CDR2: variants seen among roughly 807,000 people sequenced by gnomAD.
CDR2 encodes cerebellar degeneration-related protein 2.
A neutral mutation model predicts 48.4 loss-of-function variants in CDR2; 34 were observed. That is an observed-to-expected ratio of 0.70 (90% CI 0.53 to 0.94). The LOEUF (loss-of-function observed/expected upper bound fraction) is 0.94. Among genes scored for constraint, CDR2 ranks in the 40% least tolerant of loss-of-function variants. CDR2 has a pLI of 0.00. For synonymous variants in CDR2, 240 were observed against 219.7 expected (o/e 1.09, Z -0.82); for missense variants, 498 against 549.5 (o/e 0.91, Z 0.94).
At chr16:22,369,994 G>A (rs2049065684) in intron 1 of CDR2, among the ~76,000 whole-genome samples, 1 of 152,132 alleles carries the variant, frequency 6.6e-6, no homozygotes. Flanking sequence ...TAGATTTATT[G>A]CAGGCTTGAG....
intron 2 of CDR2, among the ~76,000 whole-genome samples, chr16:22,352,157 C>T (rs772353538): frequency 2.8e-4 from 42 of 152,184 alleles, no homozygotes; most frequent in Non-Finnish European, 6.0e-4. Context: ...GAGGCTGAGG[C>T]ATGAGAATCT....
At chr16:22,355,350 CG>C (rs879489464) in intron 2 of CDR2, among the ~76,000 whole-genome samples, 2 of 152,146 alleles carry the variant, frequency 1.3e-5, no homozygotes, top group Non-Finnish European at 2.9e-5. Context: ...ATCCCCTATC[CG>C]GGGGGATGCA....
At chr16:22,370,986 G>A (rs2049071838) in intron 1 of CDR2, among the ~76,000 whole-genome samples, 1 of 152,192 alleles carries the variant, frequency 6.6e-6, no homozygotes, top group Non-Finnish European at 1.5e-5. Flanking sequence ...GCCGAGGCGG[G>A]TAAATCACGA....
rs757369343 is a variant in CDR2 at position 22,349,244 on chromosome 16, C to T, written c.506+35G>A. 13 of 1,610,508 alleles carry T rather than the reference C, an allele frequency of 8.1e-6. No individual in the cohort carries two copies. In the Admixed American group the frequency reaches 1.3e-4, roughly 17 times the overall value. ...GAATGTGCCAATGACATGAGACAGT[C>T]CCTGCTGTAACTCCACAGAAAGGCA... On this transcript the variant is annotated intron_variant, in intron 4 of 4. Transcript: ENST00000268383.
rs1288073216 is a variant in CDR2 at position 22,347,531 on chromosome 16, A to G, written c.799T>C (p.Phe267Leu). Residue 267 changes from phenylalanine to leucine, a missense_variant, in exon 5 of 5, where the codon TTT (phenylalanine) becomes CTT (leucine). Transcript: ENST00000268383. ...ACCAGCTTCTCAACTCCATTCACAA[A>G]TGGATGCTCTGACTGCAACATCTGT... Reference protein sequence around the residue: ...MRQMLQSEHPFVNGVEKLVPD... With the variant: ...MRQMLQSEHPLVNGVEKLVPD... 6.2e-7 allele frequency: 1 copy of G among 1,613,986 alleles called. No homozygotes were observed. The highest frequency in any genetic ancestry group is 1.3e-5 in the African/African-American group (1 of 74,944).
chr16:22,374,079 C>G, intron 1 of CDR2, 152 bp downstream of exon 1: 1 of 537,080 alleles, frequency 1.9e-6, no homozygotes, highest in East Asian at 3.5e-5. Flanking sequence ...GGGCGGGATC[C>G]GCGGGCACGG....
At chr16:22,347,940 T>A in intron 4 of CDR2, 117 bp from the exon 5 acceptor site, 1 of 977,876 alleles carries the variant, frequency 1.0e-6, no homozygotes. Flanking sequence ...GTGACTAATT[T>A]TTTTTTCTTT....
At chr16:22,364,333 T>C (rs1048923630) in intron 2 of CDR2, among the ~76,000 whole-genome samples, 2 of 152,180 alleles carry the variant, frequency 1.3e-5, no homozygotes, top group African/African-American at 2.4e-5. Flanking sequence ...TTATGATTAT[T>C]TGAATGGAGC....
chr16:22,346,110 C>T lies in CDR2; in HGVS notation c.*855G>A, dbSNP rs2048902253. 6.6e-6 allele frequency: 1 copy of T among 152,458 alleles called. No homozygotes were observed. The highest frequency in any genetic ancestry group is 1.5e-5 in the Non-Finnish European group (1 of 68,038). 9.4% of individuals were successfully genotyped at this position (152,458 alleles called of 1,614,324 possible). ...TTTCTGCAACAAGTCAAAACATTTA[C>T]AGGAATGGTAAGAACTCTGCAAGAG... On this transcript the variant is annotated 3_prime_UTR_variant, in exon 5 of 5. Coordinates refer to ENST00000268383, the MANE Select transcript of CDR2 (RefSeq NM_001802.2).
At chr16:22,361,129 A>C (rs967634077) in intron 2 of CDR2, among the ~76,000 whole-genome samples, 1 of 152,186 alleles carries the variant, frequency 6.6e-6, no homozygotes, top group Non-Finnish European at 1.5e-5. Flanking sequence ...CCATTCACGT[A>C]AAGGTCAAAA....
At chr16:22,361,152 T>C (rs1379181715) in intron 2 of CDR2, among the ~76,000 whole-genome samples, 1 of 152,170 alleles carries the variant, frequency 6.6e-6, no homozygotes, top group Non-Finnish European at 1.5e-5. Flanking sequence ...AAGCTAAACT[T>C]AGGATGCTAG....
rs765191017 is a variant in CDR2, at chr16:22,374,234, G to C, written c.76C>G (p.Gln26Glu). ...CGCGGGGCGCCCCCGCCCTCACCTT[G>C]CTGGAGGTCCTGGTGGTCGTACCAC... ...EPWYDHQDLQ[Q>E]DLQLAAELGK... Residue 26 changes from glutamine (Q) to glutamate (E), a missense_variant, in exon 1 of 5, where the codon CAA (glutamine) becomes GAA (glutamate). Coordinates refer to ENST00000268383, the MANE Select transcript of CDR2 (RefSeq NM_001802.2). 6 of 1,594,218 alleles carry C rather than the reference G, an allele frequency of 3.8e-6. No individual in the cohort carries two copies. Among genetic ancestry groups the C allele is most frequent in the South Asian group, 1.1e-5 (1 of 88,998 alleles).
At chr16:22,355,040 C>G (rs1598292433) in intron 2 of CDR2, among the ~76,000 whole-genome samples, 1 of 151,588 alleles carries the variant, frequency 6.6e-6, no homozygotes, top group African/African-American at 2.4e-5. Context: ...TCTCTACTCT[C>G]CTACTTTCCT....
At position 22,346,662 on chromosome 16, in the gene CDR2, G is replaced by C. The variant is rs2048906826; in HGVS notation, c.*303C>G. 5.6e-6 allele frequency: 2 copies of C among 359,884 alleles called. No homozygotes were observed. Among genetic ancestry groups the C allele is most frequent in the South Asian group, 9.2e-5 (2 of 21,714 alleles). The allele number at this position is 359,884 out of a possible 1,614,324, so 22.3% of individuals were successfully genotyped here. On this transcript the variant is annotated 3_prime_UTR_variant, in exon 5 of 5. Coordinates refer to ENST00000268383, the MANE Select transcript of CDR2 (RefSeq NM_001802.2). ...TTCCCCCATACTGTAGTAACTCCAGGCCTACTTCTCCAGAAGTATAGCTCT... is the reference window on the plus strand; with the variant it reads ...TTCCCCCATACTGTAGTAACTCCAGCCCTACTTCTCCAGAAGTATAGCTCT...
intron 2 of CDR2, among the ~76,000 whole-genome samples, chr16:22,357,075 A>G (rs562079594): frequency 6.6e-6 from 1 of 151,942 alleles, no homozygotes; most frequent in African/African-American, 2.4e-5. Context: ...GTTGTTGTTG[A>G]GATGGAGTCT....
At position 22,357,101 on chromosome 16, in the gene CDR2, G is replaced by A. The variant is rs192772394; in HGVS notation, c.193-7252C>T. Among the ~76,000 whole-genome samples the A allele has an allele frequency of 4.0e-4, 61 of 152,150 alleles. No individual in the cohort carries two copies. The East Asian group carries it at 0.01, about 26-fold the overall frequency. ...GATGGAGTCTCACTCTGTTGCCCAG[G>A]CTGGAGGCACGATCTCAGCTCACTG... On this transcript the variant is annotated intron_variant, in intron 2 of 4. Coordinates refer to ENST00000268383, the MANE Select transcript of CDR2 (RefSeq NM_001802.2).
At chr16:22,351,499 T>C (rs1470950965) in intron 2 of CDR2, among the ~76,000 whole-genome samples, 1 of 152,176 alleles carries the variant, frequency 6.6e-6, no homozygotes, top group Non-Finnish European at 1.5e-5. Context: ...AACGTTCCTA[T>C]TTCTATGTGG....
At chr16:22,364,049 C>T (rs775001255) in intron 2 of CDR2, among the ~76,000 whole-genome samples, 100 of 152,246 alleles carry the variant, frequency 6.6e-4, no homozygotes, top group Non-Finnish European at 6.0e-4. Context: ...GGTGATTCTT[C>T]CACCTCTGTC....
Position 22,347,408 on chromosome 16 carries a change from G to A in CDR2, c.922C>T (p.Arg308Cys), listed in dbSNP as rs372706388. The change falls in exon 5 of 5, where the codon CGC becomes TGC. Residue 308 changes from arginine to cysteine, a missense_variant. By Grantham distance (180) the Arg-to-Cys change is radical (BLOSUM62 -3). Transcript: ENST00000268383. ...VPESHRKPLK[R>C]SSSETILSSL... ...CTGAGGATCGTCTCACTGCTGCTGC[G>A]CTTGAGAGGCTTTCTATGTGATTCC... is the stretch of plus-strand genomic sequence containing the variant. 7.7e-5 allele frequency: 125 copies of A among 1,613,960 alleles called. No individual in the cohort carries two copies. The highest frequency in any genetic ancestry group is 1.2e-4 in the South Asian group (11 of 91,074).
Sources: gnomAD v4.1 joint callset for allele counts (sites outside exome capture counted in the v4.1 genomes callset) on GRCh38, gnomAD v4.1.1 for gene constraint, MANE v1.5 for transcripts, NCBI Gene and HGNC (gene_info 2026-07-23, HGNC 2026-07-21) for gene names.